The following PDE1A variants were observed in gnomAD, a reference collection of about 807,000 sequenced individuals.
PDE1A encodes the protein phosphodiesterase 1A, also known as dual specificity calcium/calmodulin-dependent 3',5'-cyclic nucleotide phosphodiesterase 1A.
In PDE1A, 35 loss-of-function variants were observed where a neutral mutation model predicts 61.7. The observed-to-expected ratio is 0.57, with a 90% CI of 0.43 to 0.75. PDE1A has a LOEUF of 0.75. Ranked by LOEUF, PDE1A falls within the 30% of genes least tolerant of loss-of-function variation. The probability of loss-of-function intolerance (pLI) is 0.00; values close to 1 mark genes in which losing one functional copy is unlikely to be tolerated. For synonymous variants in PDE1A, 232 were observed against 213.2 expected (o/e 1.09, Z -0.77); for missense variants, 597 against 630.6 (o/e 0.95, Z 0.57).
At chr2:182,505,161 G>A (rs1199008902) in intron 2 of PDE1A, among the ~76,000 whole-genome samples, 2 of 152,196 alleles carry the variant, frequency 1.3e-5, no homozygotes, top group Non-Finnish European at 2.9e-5. Flanking sequence ...AGGCCAGAAT[G>A]TTCACTAATC....
Position 182,240,924 on chromosome 2 carries a change from T to C in PDE1A, c.168-632A>G, listed in dbSNP as rs2568665. Among the ~76,000 whole-genome samples, 625 of 151,966 alleles carry C rather than the reference T, an allele frequency of 4.1e-3. 7 individuals carry two copies. The highest frequency in any genetic ancestry group is 0.015 in the African/African-American group (607 of 41,440). ...AAAAATGAAAACACATGATATCAAA[T>C]AGATTATGTTTAAAGCGCATTTCAG... On this transcript the variant is annotated intron_variant, in intron 2 of 13. Transcript: ENST00000351439.
In PDE1A at chr2:182,261,196, C is replaced by CT. The variant is rs905073193; in HGVS notation, c.167+3104dup. ...AACCATTCTGTTTTATAGGAATACT[C>CT]TGAGAAGAGTCAGGTATAGAGGAAG... is the stretch of plus-strand genomic sequence containing the variant. On this transcript the variant is annotated intron_variant, in intron 2 of 13. Coordinates refer to ENST00000351439, the Ensembl canonical transcript of PDE1A. 1.1e-3 allele frequency among the ~76,000 whole-genome samples: 166 copies of CT among 152,252 alleles called. 1 individual carries two copies. The highest frequency in any genetic ancestry group is 4.0e-3 in the African/African-American group (165 of 41,552).
At chr2:182,359,163 T>G (rs1161549462) in intron 1 of PDE1A, among the ~76,000 whole-genome samples, 1 of 152,162 alleles carries the variant, frequency 6.6e-6, no homozygotes, top group Non-Finnish European at 1.5e-5. Flanking sequence ...CCAAGCAAAC[T>G]CTTTAAAAGT....
the PDE1A span, among the ~76,000 whole-genome samples, chr2:182,649,061 T>A: frequency 6.6e-6 from 1 of 152,152 alleles, no homozygotes; most frequent in Admixed American, 6.5e-5. Context: ...TGTGTGTAAG[T>A]GGCAGCAGGT....
At chr2:182,141,480 T>G (rs1162495243) in exon 15 of PDE1A, 2 of 152,334 alleles carry the variant, frequency 1.3e-5, no homozygotes, top group Non-Finnish European at 2.9e-5. Context: ...TACAATTCAA[T>G]TATTTAGCTG....
chr2:182,186,035 C>G (rs757725272), exon 13 of PDE1A: 2 of 1,613,944 alleles, frequency 1.2e-6, no homozygotes, highest in Non-Finnish European at 1.7e-6. Context: ...TGTATTTGAT[C>G]GTCTTAGTGC....
the PDE1A span, chr2:182,716,549 A>T: frequency 1.3e-5 from 2 of 152,284 alleles, no homozygotes; most frequent in African/African-American, 2.4e-5. Flanking sequence ...CCGGTCAGGG[A>T]GGGGCGGAAT....
rs192032034 is a variant in PDE1A, at chr2:182,449,091, A to G, written c.101+73185T>C. Among the ~76,000 whole-genome samples, 244 of 100,030 alleles carry G rather than the reference A, an allele frequency of 2.4e-3. 1 individual carries two copies. The highest frequency in any genetic ancestry group is 7.7e-3 in the Admixed American group (76 of 9,810). 65.6% of individuals were successfully genotyped at this position (100,030 alleles called of 152,430 possible). On this transcript the variant is annotated intron_variant, in intron 2 of 14. Transcript: ENST00000410103. ...ACACACACACACACACACACAAACA[A>G]AACCCAGGAAATCCTTCTAAATCTT...
At chr2:182,290,644 T>C (rs1694467283) in intron 1 of PDE1A, among the ~76,000 whole-genome samples, 1 of 151,888 alleles carries the variant, frequency 6.6e-6, no homozygotes, top group African/African-American at 2.4e-5. Context: ...ACTGCACTGA[T>C]TTCTTATTTT....
intron 13 of PDE1A, among the ~76,000 whole-genome samples, chr2:182,171,957 C>A (rs1013531404): frequency 6.6e-6 from 1 of 151,892 alleles, no homozygotes; most frequent in African/African-American, 2.4e-5. Context: ...ACAAAACTCC[C>A]ATGAACTCTT....
the PDE1A span, among the ~76,000 whole-genome samples, chr2:182,716,742 G>GC: frequency 2.6e-5 from 4 of 152,138 alleles, no homozygotes; most frequent in African/African-American, 9.7e-5. Flanking sequence ...ACACTTAACA[G>GC]CCCTGTTCCC....
intron 2 of PDE1A, chr2:182,463,480 G>A (rs1165968589): frequency 6.6e-6 from 1 of 152,082 alleles, no homozygotes; most frequent in Admixed American, 6.6e-5. Context: ...TCCTTTGTGT[G>A]AAAGAAGAGA....
the PDE1A span, among the ~76,000 whole-genome samples, chr2:182,658,841 G>T: frequency 6.6e-6 from 1 of 152,130 alleles, no homozygotes; most frequent in Non-Finnish European, 1.5e-5. Context: ...GCATACAAGT[G>T]CACTTTACTG....
intron 2 of PDE1A, among the ~76,000 whole-genome samples, chr2:182,480,573 A>G (rs1296265610): frequency 1.3e-5 from 2 of 151,986 alleles, no homozygotes; most frequent in African/African-American, 4.8e-5. Flanking sequence ...CCTGTGGAGT[A>G]CTACACTTAA....
At chr2:182,177,619 T>C (rs561331941) in intron 13 of PDE1A, among the ~76,000 whole-genome samples, 1 of 152,266 alleles carries the variant, frequency 6.6e-6, no homozygotes, top group African/African-American at 2.4e-5. Context: ...CATTGGTCTA[T>C]ATATCTGTTT....
the PDE1A span, among the ~76,000 whole-genome samples, chr2:182,697,351 T>C: frequency 6.6e-6 from 1 of 152,254 alleles, no homozygotes; most frequent in Non-Finnish European, 1.5e-5. Context: ...TCAGCTTCTT[T>C]ACCTACAAAT....
chr2:182,373,595 A>G (rs546589758), intron 1 of PDE1A, among the ~76,000 whole-genome samples: 4 of 152,348 alleles, frequency 2.6e-5, no homozygotes, highest in African/African-American at 9.6e-5. Flanking sequence ...TCCTTAAAGT[A>G]AACATTCAAA....
At chr2:182,366,321 A>G (rs1375269291) in intron 1 of PDE1A, among the ~76,000 whole-genome samples, 1 of 151,978 alleles carries the variant, frequency 6.6e-6, no homozygotes, top group Non-Finnish European at 1.5e-5. Flanking sequence ...AAAGATGAGA[A>G]AAAGGAGATA....
chr2:182,227,684 G>A (rs970174280), intron 6 of PDE1A, among the ~76,000 whole-genome samples: 1 of 152,054 alleles, frequency 6.6e-6, no homozygotes, highest in African/African-American at 2.4e-5. Context: ...TTAGTGACAA[G>A]GGAAGCAATG....
Sources: gnomAD v4.1 joint callset for allele counts (sites outside exome capture counted in the v4.1 genomes callset) on GRCh38, gnomAD v4.1.1 for gene constraint, MANE v1.5 for transcripts, NCBI Gene and HGNC (gene_info 2026-07-23, HGNC 2026-07-21) for gene names.